Variants in SNAPC1 observed in about 807,000 individuals in gnomAD.
SNAPC1 encodes small nuclear RNA activating complex polypeptide 1.
Under a neutral mutation model 50.1 loss-of-function variants are expected in SNAPC1, and 42 were observed. The ratio of observed to expected loss-of-function variants is 0.84; its 90% CI spans 0.65 to 1.08. The LOEUF (loss-of-function observed/expected upper bound fraction) is 1.08, where lower values mean the gene tolerates loss of function less well. Ranked by LOEUF, SNAPC1 falls within the 50% of genes least tolerant of loss-of-function variation. The pLI is 0.00. For missense variants in SNAPC1, 477 were observed against 427.3 expected (o/e 1.12, Z -1.02); for synonymous variants, 164 against 144.2 (o/e 1.14, Z -0.98).
intron 4 of SNAPC1, among the ~76,000 whole-genome samples, 188 bp downstream of exon 4, chr14:61,768,928 G>A (rs1242507325): frequency 1.3e-5 from 2 of 152,140 alleles, no homozygotes; most frequent in Non-Finnish European, 1.5e-5. Flanking sequence ...TCTTGAAATA[G>A]CGTGAGAAAA....
At chr14:61,763,461 A>G (rs927383707) in intron 1 of SNAPC1, among the ~76,000 whole-genome samples, 3 of 131,388 alleles carry the variant, frequency 2.3e-5, no homozygotes. Context: ...CCCTCCATGC[A>G]CTCACTTTCT....
At chr14:61,783,846 G>T (rs2045096354) in intron 8 of SNAPC1, among the ~76,000 whole-genome samples, 1 of 151,968 alleles carries the variant, frequency 6.6e-6, no homozygotes, top group Non-Finnish European at 1.5e-5. Context: ...CAATAGTTTG[G>T]TTTTTTAAAA....
intron 1 of SNAPC1, 120 bp downstream of exon 1, chr14:61,762,708 GC>G: frequency 8.4e-7 from 1 of 1,196,032 alleles, no homozygotes; most frequent in Non-Finnish European, 1.2e-6. Flanking sequence ...ACCGAAGGTT[GC>G]CTCCATGACT....
At chr14:61,766,716 C>T (rs1292235920) in intron 1 of SNAPC1, among the ~76,000 whole-genome samples, 160 bp from the exon 2 acceptor site, 1 of 152,130 alleles carries the variant, frequency 6.6e-6, no homozygotes, top group Admixed American at 6.5e-5. Flanking sequence ...GTTGCCTTTG[C>T]CTTGGTGTAA....
chr14:61,786,428 T>C (rs2045116385), intron 8 of SNAPC1, among the ~76,000 whole-genome samples: 1 of 152,176 alleles, frequency 6.6e-6, no homozygotes, highest in African/African-American at 2.4e-5. Context: ...TCCAAAATAG[T>C]AATATTTAAA....
chr14:61,771,985 A>G (rs1440277537), intron 4 of SNAPC1, among the ~76,000 whole-genome samples: 3 of 152,208 alleles, frequency 2.0e-5, no homozygotes, highest in African/African-American at 2.4e-5. Context: ...AAGTTGAGAA[A>G]TGCTGATGTG....
intron 8 of SNAPC1, among the ~76,000 whole-genome samples, chr14:61,790,008 C>G (rs900785372): frequency 3.9e-5 from 6 of 152,080 alleles, no homozygotes; most frequent in African/African-American, 1.4e-4. Flanking sequence ...GACATAAGAG[C>G]AAATACGGAG....
At chr14:61,777,429 A>G (rs1026674790) in intron 5 of SNAPC1, among the ~76,000 whole-genome samples, 1 of 152,082 alleles carries the variant, frequency 6.6e-6, no homozygotes, top group African/African-American at 2.4e-5. Flanking sequence ...CCTGGCTGGA[A>G]TGCAGTGGCA....
In SNAPC1 at chr14:61,766,910, A is replaced by G; in HGVS notation, c.163A>G (p.Thr55Ala). ...RMRNLEKNMF[T>A]KEALALAWRY... ...GAGAAATTTAGAAAAGAACATGTTTACAAAAGAAGCTTTAGCTTTGGCTTG... is the reference window on the plus strand; with the variant it reads ...GAGAAATTTAGAAAAGAACATGTTTGCAAAAGAAGCTTTAGCTTTGGCTTG... Residue 55 changes from threonine (T) to alanine (A), a missense_variant, in exon 2 of 10, where the codon ACA becomes GCA. Transcript: ENST00000216294. 3 of 1,610,682 alleles carry G rather than the reference A, an allele frequency of 1.9e-6. No individual in the cohort carries two copies. Among genetic ancestry groups the G allele is most frequent in the Non-Finnish European group, 2.5e-6 (3 of 1,177,138 alleles).
intron 1 of SNAPC1, among the ~76,000 whole-genome samples, chr14:61,764,134 A>C (rs1201263110): frequency 2.6e-5 from 4 of 152,094 alleles, no homozygotes; most frequent in Admixed American, 2.6e-4. Flanking sequence ...GGATTTCACC[A>C]TGTTGGCCAG....
chr14:61,767,179 T>C (rs753993133), intron 2 of SNAPC1, 33 bp from the exon 3 acceptor site: 2 of 1,393,834 alleles, frequency 1.4e-6, no homozygotes, highest in Non-Finnish European at 1.9e-6. Flanking sequence ...AATATTTACA[T>C]TTAGTACAAC....
At chr14:61,775,866 T>G (rs982087172) in intron 4 of SNAPC1, among the ~76,000 whole-genome samples, 2 of 152,218 alleles carry the variant, frequency 1.3e-5, no homozygotes. Flanking sequence ...ATATCTTAGT[T>G]AATGTTTGTT....
chr14:61,778,164 T>C (rs753627246), intron 6 of SNAPC1, 24 bp downstream of exon 6: 8 of 1,443,084 alleles, frequency 5.5e-6, no homozygotes, highest in Admixed American at 5.3e-5. Context: ...GCAATTCATA[T>C]TATGTGTGGC....
intron 4 of SNAPC1, among the ~76,000 whole-genome samples, chr14:61,773,812 A>G (rs2045013609): frequency 6.7e-6 from 1 of 150,168 alleles, no homozygotes; most frequent in Non-Finnish European, 1.5e-5. Flanking sequence ...GGTTCAAGCG[A>G]TTCTCCTTCC....
intron 3 of SNAPC1, among the ~76,000 whole-genome samples, chr14:61,767,884 A>G (rs910209600): frequency 6.6e-6 from 1 of 152,004 alleles, no homozygotes; most frequent in African/African-American, 2.4e-5. Flanking sequence ...GGTTCAGGCA[A>G]TTCTCCTGTC....
intron 1 of SNAPC1, among the ~76,000 whole-genome samples, chr14:61,763,283 G>A (rs1033118333): frequency 2.0e-5 from 3 of 151,866 alleles, no homozygotes; most frequent in Admixed American, 6.6e-5. Flanking sequence ...GAGCCACCGC[G>A]CCCGGCCCAA....
intron 8 of SNAPC1, among the ~76,000 whole-genome samples, chr14:61,785,418 AAAG>A (rs2045108098): frequency 6.6e-6 from 1 of 152,184 alleles, no homozygotes; most frequent in Admixed American, 6.5e-5. Flanking sequence ...CTCAAAAAAA[AAAG>A]AGAGAGACAC....
intron 9 of SNAPC1, 41 bp downstream of exon 9, chr14:61,792,943 T>G (rs1347408796): frequency 2.0e-6 from 2 of 983,654 alleles, no homozygotes; most frequent in Non-Finnish European, 3.2e-6. Flanking sequence ...GTAAACTAAC[T>G]TATACTCGTA....
intron 1 of SNAPC1, among the ~76,000 whole-genome samples, chr14:61,763,898 C>A (rs1398317834): frequency 6.6e-6 from 1 of 152,112 alleles, no homozygotes; most frequent in Non-Finnish European, 1.5e-5. Flanking sequence ...GCTGATATAT[C>A]AGAAATACAT....
Sources: allele counts gnomAD v4.1 joint callset (sites outside exome capture counted in the v4.1 genomes callset), GRCh38; gene constraint gnomAD v4.1.1; transcripts MANE v1.5; gene names NCBI Gene and HGNC (gene_info 2026-07-23, HGNC 2026-07-21).